NEGR1: variants seen among roughly 807,000 people sequenced by gnomAD.
The protein encoded by NEGR1 is neuronal growth regulator 1.
NEGR1 carries 10 observed loss-of-function variants against 40.9 expected under a neutral mutation model. The observed-to-expected ratio is 0.24, with a 90% confidence interval of 0.15 to 0.42. NEGR1 has a LOEUF of 0.42. NEGR1 is among the 10% of genes least tolerant of loss of function. The pLI, the probability that NEGR1 is intolerant of heterozygous loss-of-function variation, is 1.00. For synonymous variants in NEGR1, 185 were observed against 166.8 expected, an observed-to-expected ratio of 1.11 and a Z score of -0.84; for missense variants, 352 against 438.9, an observed-to-expected ratio of 0.80 and a Z score of 1.77.
At chr1:72,074,969 A>G (rs958887569) in intron 1 of NEGR1, among the ~76,000 whole-genome samples, 1 of 152,128 alleles carries the variant, frequency 6.6e-6, no homozygotes, top group Non-Finnish European at 1.5e-5. Context: ...TTTATCTGAC[A>G]TTTCTAAATG....
intron 2 of NEGR1, among the ~76,000 whole-genome samples, chr1:71,862,208 T>C (rs1268385381): frequency 6.6e-6 from 1 of 152,132 alleles, no homozygotes; most frequent in Non-Finnish European, 1.5e-5. Context: ...GCAAGTTTAT[T>C]AGAAGACGAA....
At chr1:71,711,275 G>T (rs1002595812) in intron 3 of NEGR1, among the ~76,000 whole-genome samples, 5 of 148,958 alleles carry the variant, frequency 3.4e-5, no homozygotes, top group African/African-American at 1.2e-4. Flanking sequence ...AACCCGGGGG[G>T]CGGAGCTTGC....
chr1:71,768,865 G>T (rs1015058636), intron 3 of NEGR1, among the ~76,000 whole-genome samples: 2 of 152,068 alleles, frequency 1.3e-5, no homozygotes, highest in African/African-American at 4.8e-5. Flanking sequence ...TCTTATGATA[G>T]AGTTCTCAGG....
In NEGR1 at chr1:71,448,322, G is replaced by A. The variant is rs368579751; in HGVS notation, c.941-40752C>T. ...TATTGGTAAGAAGTGGCTGAGGCTG[G>A]GTGTGGTGGCTCACGCCTCTAATCC... On this transcript the variant is annotated intron_variant, in intron 6 of 6. Coordinates refer to ENST00000357731, the MANE Select transcript of NEGR1 (RefSeq NM_173808.3). Among the ~76,000 whole-genome samples, 2 of 152,126 alleles carry A rather than the reference G, an allele frequency of 1.3e-5. 1 individual carries two copies. Among genetic ancestry groups the A allele is most frequent in the East Asian group, 3.9e-4 (2 of 5,172 alleles).
chr1:72,096,986 TTA>T (rs1648727405), intron 1 of NEGR1, among the ~76,000 whole-genome samples: 1 of 152,120 alleles, frequency 6.6e-6, no homozygotes, highest in Non-Finnish European at 1.5e-5. Context: ...CCAGCTGTAG[TTA>T]TATCTTTTAA....
intron 2 of NEGR1, among the ~76,000 whole-genome samples, chr1:71,806,657 A>G (rs1156858108): frequency 6.6e-6 from 1 of 152,186 alleles, no homozygotes; most frequent in Non-Finnish European, 1.5e-5. Flanking sequence ...AGCTATTTGT[A>G]TACATTATTC....
chr1:71,632,702 A>C (rs1055547214), intron 4 of NEGR1, among the ~76,000 whole-genome samples: 1 of 151,898 alleles, frequency 6.6e-6, no homozygotes, highest in African/African-American at 2.4e-5. Flanking sequence ...TTATTCTCTA[A>C]ATTACAAAAC....
chr1:72,051,025 C>T (rs988375837), intron 1 of NEGR1, among the ~76,000 whole-genome samples: 1 of 151,436 alleles, frequency 6.6e-6, no homozygotes, highest in African/African-American at 2.4e-5. Flanking sequence ...AGCTAAACTT[C>T]GACCCCACTA....
chr1:72,040,140 C>T (rs1345659377), intron 1 of NEGR1, among the ~76,000 whole-genome samples: 1 of 151,880 alleles, frequency 6.6e-6, no homozygotes, highest in Non-Finnish European at 1.5e-5. Context: ...GTACATGATT[C>T]TCTAGTATGT....
intron 1 of NEGR1, among the ~76,000 whole-genome samples, chr1:72,134,243 C>G (rs1423624218): frequency 6.9e-6 from 1 of 144,250 alleles, no homozygotes; most frequent in Admixed American, 7.2e-5. Flanking sequence ...GAGTCTTGCT[C>G]TGTTGCCCAG....
At chr1:71,623,970 T>G (rs1650688201) in intron 4 of NEGR1, among the ~76,000 whole-genome samples, 1 of 151,860 alleles carries the variant, frequency 6.6e-6, no homozygotes, top group Non-Finnish European at 1.5e-5. Context: ...ATGAATAAAT[T>G]ATTAAAGAAT....
intron 1 of NEGR1, among the ~76,000 whole-genome samples, chr1:72,211,324 T>C (rs1653598914): frequency 6.6e-6 from 1 of 151,698 alleles, no homozygotes; most frequent in Non-Finnish European, 1.5e-5. Flanking sequence ...AAAAGGAGCC[T>C]TTATAAAGCC....
intron 1 of NEGR1, among the ~76,000 whole-genome samples, chr1:71,998,937 ATTCTC>A (rs1646530364): frequency 6.6e-6 from 1 of 151,900 alleles, no homozygotes; most frequent in Non-Finnish European, 1.5e-5. Context: ...GGTACATAAC[ATTCTC>A]TTCTAAGATC....
At chr1:71,524,852 TTGAG>T (rs1647198430) in intron 6 of NEGR1, among the ~76,000 whole-genome samples, 1 of 151,602 alleles carries the variant, frequency 6.6e-6, no homozygotes, top group Non-Finnish European at 1.5e-5. Flanking sequence ...TGAGAAAAAT[TTGAG>T]TGGCCATTTC....
intron 3 of NEGR1, among the ~76,000 whole-genome samples, chr1:71,714,137 C>G (rs912851190): frequency 6.6e-6 from 1 of 152,060 alleles, no homozygotes; most frequent in Non-Finnish European, 1.5e-5. Context: ...GAAGGGACCT[C>G]TTCACAGGGA....
intron 6 of NEGR1, among the ~76,000 whole-genome samples, chr1:71,531,600 G>T (rs1483841667): frequency 6.6e-6 from 1 of 151,150 alleles, no homozygotes; most frequent in East Asian, 2.0e-4. Flanking sequence ...CATGATGACT[G>T]GTTCTAATTA....
intron 1 of NEGR1, among the ~76,000 whole-genome samples, chr1:72,265,757 A>C (rs1266466542): frequency 6.6e-6 from 1 of 150,930 alleles, no homozygotes; most frequent in African/African-American, 2.4e-5. Context: ...TTTAAAAATA[A>C]TTTTCTTAAT....
chr1:71,636,903 C>T (rs1386945737), intron 4 of NEGR1, among the ~76,000 whole-genome samples: 1 of 151,816 alleles, frequency 6.6e-6, no homozygotes, highest in African/African-American at 2.4e-5. Context: ...TTAATAGTAG[C>T]CCAATACTTT....
chr1:72,002,443 AG>A (rs1430501412), intron 1 of NEGR1, among the ~76,000 whole-genome samples: 1 of 152,160 alleles, frequency 6.6e-6, no homozygotes, highest in Non-Finnish European at 1.5e-5. Flanking sequence ...TTTCTAAGAA[AG>A]TAGTATGATA....
Sources: allele counts gnomAD v4.1 joint callset (sites outside exome capture counted in the v4.1 genomes callset), GRCh38; gene constraint gnomAD v4.1.1; transcripts MANE v1.5; gene names NCBI Gene and HGNC (gene_info 2026-07-23, HGNC 2026-07-21).